Variants in MIPOL1 observed in about 807,000 individuals in gnomAD.
The protein encoded by MIPOL1 is mirror-image polydactyly 1.
In MIPOL1, 57 loss-of-function variants were observed where a neutral mutation model predicts 60.9. The ratio of observed to expected loss-of-function variants is 0.94; its 90% CI spans 0.76 to 1.17. MIPOL1 has a LOEUF of 1.17. MIPOL1 is among the 50% of genes most tolerant of loss of function. The pLI, the probability that MIPOL1 is intolerant of heterozygous loss-of-function variation, is 0.00. For synonymous variants in MIPOL1, 179 were observed against 168.8 expected (o/e 1.06, Z -0.47); for missense variants, 551 against 511.6 (o/e 1.08, Z -0.74).
rs113318160 is a variant in MIPOL1 at position 37,264,653 on chromosome 14, A to G, written c.20-2285A>G. 7.2e-3 allele frequency among the ~76,000 whole-genome samples: 1,091 copies of G among 151,930 alleles called. 8 individuals carry two copies. Among genetic ancestry groups the G allele is most frequent in the Non-Finnish European group, 0.013 (865 of 67,914 alleles). On this transcript the variant is annotated intron_variant, in intron 3 of 12. Coordinates refer to ENST00000684589, the MANE Select transcript of MIPOL1 (RefSeq NM_001388067.1). ...AAAAAAAAATTGTGTAGATAGTTAT[A>G]GAAAGAATGGTTAATAAAGCAAGCA... is the stretch of plus-strand genomic sequence containing the variant.
chr14:37,323,021 T>C (rs1190313492), intron 9 of MIPOL1, among the ~76,000 whole-genome samples: 1 of 152,156 alleles, frequency 6.6e-6, no homozygotes, highest in Non-Finnish European at 1.5e-5. Flanking sequence ...TGCCGTTGCT[T>C]TTGGTGTTTT....
intron 1 of MIPOL1, among the ~76,000 whole-genome samples, chr14:37,212,799 CAT>C (rs1417004671): frequency 6.6e-6 from 1 of 152,166 alleles, no homozygotes; most frequent in African/African-American, 2.4e-5. Flanking sequence ...TCAGACCCTA[CAT>C]AGTCATAGTG....
intron 1 of MIPOL1, among the ~76,000 whole-genome samples, chr14:37,200,850 A>ATGTG (rs56965903): frequency 0.071 from 6,154 of 86,784 alleles, 393 homozygotes; most frequent in Middle Eastern, 0.12. Flanking sequence ...ATATCTATCT[A>ATGTG]TGTGTGTGTG....
intron 12 of MIPOL1, among the ~76,000 whole-genome samples, chr14:37,525,740 A>C (rs1184269160): frequency 2.6e-5 from 4 of 152,212 alleles, no homozygotes; most frequent in Non-Finnish European, 4.4e-5. Flanking sequence ...ACAGGAGTGC[A>C]GCAAACTTAT....
At chr14:37,259,105 C>T (rs1453474306) in intron 3 of MIPOL1, among the ~76,000 whole-genome samples, 1 of 151,976 alleles carries the variant, frequency 6.6e-6, no homozygotes, top group Admixed American at 6.6e-5. Flanking sequence ...ACTCTAATGT[C>T]CAAATGAATG....
intron 7 of MIPOL1, among the ~76,000 whole-genome samples, chr14:37,299,303 G>A (rs1156722521): frequency 6.6e-6 from 1 of 151,866 alleles, no homozygotes; most frequent in Non-Finnish European, 1.5e-5. Flanking sequence ...GTAGGGAGAG[G>A]GGGGCGGGAT....
intron 10 of MIPOL1, among the ~76,000 whole-genome samples, chr14:37,378,630 G>A (rs1465937837): frequency 6.7e-6 from 1 of 149,778 alleles, no homozygotes; most frequent in African/African-American, 2.4e-5. Flanking sequence ...CGGGGAGGAG[G>A]GAAGGAGGAA....
chr14:37,336,758 A>T (rs1332995451), intron 9 of MIPOL1, among the ~76,000 whole-genome samples: 1 of 151,200 alleles, frequency 6.6e-6, no homozygotes, highest in Non-Finnish European at 1.5e-5. Flanking sequence ...CTTTTTAAAA[A>T]TTTTTTTATT....
At chr14:37,524,867 C>CTT (rs2095437712) in intron 12 of MIPOL1, among the ~76,000 whole-genome samples, 1 of 151,938 alleles carries the variant, frequency 6.6e-6, no homozygotes, top group Non-Finnish European at 1.5e-5. Context: ...CGCACCCGGC[C>CTT]TGAAGCTTAT....
At chr14:37,490,805 A>G (rs928764694) in intron 11 of MIPOL1, among the ~76,000 whole-genome samples, 1 of 152,136 alleles carries the variant, frequency 6.6e-6, no homozygotes, top group African/African-American at 2.4e-5. Context: ...TCCCAATGAG[A>G]TGAACCAGGT....
At position 37,379,423 on chromosome 14, in the gene MIPOL1, C is replaced by T. The variant is rs909285575; in HGVS notation, c.936+9799C>T. ...TCAGTTAGGCAAAGCTTTCTTAGAT[C>T]GAAACCAAAATCCCAAGCAACAACT... is the stretch of plus-strand genomic sequence containing the variant. On this transcript the variant is annotated intron_variant, in intron 10 of 12. Coordinates refer to ENST00000684589, the MANE Select transcript of MIPOL1 (RefSeq NM_001388067.1). Among the ~76,000 whole-genome samples the T allele has an allele frequency of 4.6e-5, 7 of 152,020 alleles. 1 individual carries two copies. Among genetic ancestry groups the T allele is most frequent in the Admixed American group, 6.6e-5 (1 of 15,230 alleles).
intron 10 of MIPOL1, among the ~76,000 whole-genome samples, chr14:37,416,279 C>G (rs1165547961): frequency 6.6e-6 from 1 of 152,030 alleles, no homozygotes; most frequent in Non-Finnish European, 1.5e-5. Flanking sequence ...CTATGACATA[C>G]AGTAAAAGGA....
intron 9 of MIPOL1, among the ~76,000 whole-genome samples, chr14:37,322,653 T>C (rs887320728): frequency 2.0e-4 from 30 of 152,124 alleles, no homozygotes; most frequent in Non-Finnish European, 8.8e-5. Context: ...TTTCTGACTT[T>C]TTAATGATTG....
chr14:37,254,673 CTCTT>C (rs1324453342), intron 3 of MIPOL1, among the ~76,000 whole-genome samples: 1 of 151,688 alleles, frequency 6.6e-6, no homozygotes, highest in Non-Finnish European at 1.5e-5. Context: ...TTTCTTCTTT[CTCTT>C]TATTTCTTTC....
At chr14:37,419,083 A>G (rs1359624190) in intron 10 of MIPOL1, among the ~76,000 whole-genome samples, 2 of 152,152 alleles carry the variant, frequency 1.3e-5, no homozygotes, top group Non-Finnish European at 2.9e-5. Flanking sequence ...ATTGCCAAAG[A>G]ACTAGAAATC....
At chr14:37,394,214 T>G (rs564302102) in intron 10 of MIPOL1, among the ~76,000 whole-genome samples, 8 of 151,384 alleles carry the variant, frequency 5.3e-5, no homozygotes, top group African/African-American at 1.7e-4. Flanking sequence ...TGAATTTTGC[T>G]GCTATGAACA....
At chr14:37,236,577 C>T (rs1411082593) in intron 1 of MIPOL1, among the ~76,000 whole-genome samples, 1 of 152,056 alleles carries the variant, frequency 6.6e-6, no homozygotes, top group African/African-American at 2.4e-5. Flanking sequence ...GCTGGGACTA[C>T]AGGCATGCCC....
intron 12 of MIPOL1, among the ~76,000 whole-genome samples, chr14:37,540,136 T>G (rs2095523899): frequency 6.6e-6 from 1 of 152,208 alleles, no homozygotes; most frequent in African/African-American, 2.4e-5. Context: ...TACCCAGTCT[T>G]GGGCAGCCCT....
intron 1 of MIPOL1, among the ~76,000 whole-genome samples, chr14:37,205,945 A>G (rs1204024461): frequency 1.3e-5 from 2 of 152,148 alleles, no homozygotes; most frequent in Non-Finnish European, 2.9e-5. Flanking sequence ...CCTGAAACAC[A>G]TTCGGTTTTA....
Sources: allele counts gnomAD v4.1 joint callset (sites outside exome capture counted in the v4.1 genomes callset), GRCh38; gene constraint gnomAD v4.1.1; transcripts MANE v1.5; gene names NCBI Gene and HGNC (gene_info 2026-07-23, HGNC 2026-07-21).